Variants in LNX1 observed in about 807,000 individuals in gnomAD.
The protein encoded by LNX1 is E3 ubiquitin-protein ligase LNX.
In LNX1, 54 loss-of-function variants were observed where a neutral mutation model predicts 68.4. That is an observed-to-expected ratio of 0.79 (90% CI 0.63 to 0.99). The LOEUF (loss-of-function observed/expected upper bound fraction) is 0.99, where lower values mean the gene tolerates loss of function less well. Among genes scored for constraint, LNX1 ranks in the 50% least tolerant of loss-of-function variants. The pLI is 0.00. For missense variants in LNX1, 906 were observed against 926.4 expected, an observed-to-expected ratio of 0.98 and a Z score of 0.29; for synonymous variants, 336 against 350.0, an observed-to-expected ratio of 0.96 and a Z score of 0.45.
At chr4:53,504,239 C>G (rs928131238) in intron 4 of LNX1, among the ~76,000 whole-genome samples, 1 of 152,240 alleles carries the variant, frequency 6.6e-6, no homozygotes, top group Non-Finnish European at 1.5e-5. Flanking sequence ...TTTGCTGCTT[C>G]GTTACAATCA....
intron 2 of LNX1, among the ~76,000 whole-genome samples, chr4:53,530,103 T>C (rs1221842946): frequency 6.6e-6 from 1 of 152,214 alleles, no homozygotes; most frequent in Non-Finnish European, 1.5e-5. Flanking sequence ...CTATTACAAT[T>C]ATGTAAAAAT....
intron 4 of LNX1, among the ~76,000 whole-genome samples, chr4:53,503,315 A>G (rs989261653): frequency 6.6e-6 from 1 of 152,240 alleles, no homozygotes; most frequent in African/African-American, 2.4e-5. Flanking sequence ...CCATCAGAGG[A>G]ATCACTATGT....
intron 2 of LNX1, among the ~76,000 whole-genome samples, chr4:53,543,901 AAAC>A (rs1174698540): frequency 2.0e-5 from 3 of 147,120 alleles, no homozygotes; most frequent in African/African-American, 7.4e-5. Flanking sequence ...TAAAAAACAA[AAAC>A]AAACAAAAAA....
intron 2 of LNX1, among the ~76,000 whole-genome samples, chr4:53,526,578 C>G (rs1285762154): frequency 6.6e-6 from 1 of 151,680 alleles, no homozygotes; most frequent in African/African-American, 2.4e-5. Flanking sequence ...GACCCCTGTG[C>G]TACTCTGGAA....
At chr4:53,576,430 C>A in intron 1 of LNX1, 3 of 1,454,044 alleles carry the variant, frequency 2.1e-6, no homozygotes, top group Non-Finnish European at 2.7e-6. Flanking sequence ...CTTGGACAGG[C>A]ACCTCAGATG....
chr4:53,621,657 G>A (rs1733884645), upstream of LNX1, among the ~76,000 whole-genome samples: 1 of 152,196 alleles, frequency 6.6e-6, no homozygotes, highest in Non-Finnish European at 1.5e-5. Flanking sequence ...CAATCAGACA[G>A]AAATTTAAGG....
intron 9 of LNX1, among the ~76,000 whole-genome samples, chr4:53,465,268 A>T (rs1722589208): frequency 6.6e-6 from 1 of 152,198 alleles, no homozygotes; most frequent in Non-Finnish European, 1.5e-5. Flanking sequence ...AAGGGTTTGG[A>T]TCTATGGTTC....
chr4:53,530,465 A>G (rs1322399160), intron 2 of LNX1, among the ~76,000 whole-genome samples: 1 of 152,244 alleles, frequency 6.6e-6, no homozygotes, highest in Non-Finnish European at 1.5e-5. Context: ...TACTGAGATT[A>G]TATTTTCATG....
At chr4:53,553,767 T>G (rs1374165894) in intron 2 of LNX1, among the ~76,000 whole-genome samples, 1 of 152,198 alleles carries the variant, frequency 6.6e-6, no homozygotes, top group Non-Finnish European at 1.5e-5. Context: ...GGATTGGGAC[T>G]CCACACCAAA....
At chr4:53,528,249 C>A (rs1007537258) in intron 2 of LNX1, among the ~76,000 whole-genome samples, 2 of 152,244 alleles carry the variant, frequency 1.3e-5, no homozygotes, top group African/African-American at 2.4e-5. Context: ...CCTCCCTTAT[C>A]CATAGTTTTG....
chr4:53,601,392 A>G (rs1733008600), intron 2 of LNX1, among the ~76,000 whole-genome samples: 1 of 152,138 alleles, frequency 6.6e-6, no homozygotes, highest in Admixed American at 6.5e-5. Flanking sequence ...GGGGGTGGAC[A>G]GGAAATGCAG....
chr4:53,612,385 G>A (rs1733529250), intron 2 of LNX1, among the ~76,000 whole-genome samples: 1 of 152,144 alleles, frequency 6.6e-6, no homozygotes, highest in South Asian at 2.1e-4. Flanking sequence ...TCTAATAGAA[G>A]CAAAGCCACC....
chr4:53,466,060 A>T (rs996650176), intron 9 of LNX1, among the ~76,000 whole-genome samples: 2 of 152,084 alleles, frequency 1.3e-5, no homozygotes, highest in Non-Finnish European at 2.9e-5. Context: ...ATTAGCCAAC[A>T]CCTCTCCACA....
At chr4:53,643,501 G>T (rs1015757156) in intron 1 of LNX1, among the ~76,000 whole-genome samples, 5 of 152,026 alleles carry the variant, frequency 3.3e-5, no homozygotes, top group Non-Finnish European at 7.4e-5. Context: ...GTGGACAGAG[G>T]GTGGCTGATG....
At chr4:53,557,820 C>G (rs2109728251) in intron 2 of LNX1, 1 of 1,604,568 alleles carries the variant, frequency 6.2e-7, no homozygotes, top group Non-Finnish European at 8.5e-7. Flanking sequence ...TCGGGTCCCA[C>G]CCCCAACATA....
chr4:53,481,713 G>A lies in LNX1; in HGVS notation c.1485+7C>T. 2 of 1,612,898 alleles carry A rather than the reference G, an allele frequency of 1.2e-6. No individual in the cohort carries two copies. The highest frequency in any genetic ancestry group is 2.2e-5 in the East Asian group (1 of 44,766). ...CAGGAGCAGGCGACCTGCCCTAGAG[G>A]CCTCACCTTGGGAGTGTTGCTCCTC... On this transcript the variant is annotated splice_region_variant and intron_variant, in intron 7 of 10. Coordinates refer to ENST00000263925, the MANE Select transcript of LNX1 (RefSeq NM_001126328.3).
chr4:53,625,853 GT>G (rs1670644898), intron 1 of LNX1, among the ~76,000 whole-genome samples: 2 of 150,610 alleles, frequency 1.3e-5, no homozygotes, highest in Admixed American at 1.3e-4. Context: ...CCGTGTGTGT[GT>G]GTGTGTGTGT....
At chr4:53,557,468 G>C (rs548566897) in intron 2 of LNX1, among the ~76,000 whole-genome samples, 1 of 152,116 alleles carries the variant, frequency 6.6e-6, no homozygotes, top group Non-Finnish European at 1.5e-5. Context: ...TATAGAGACT[G>C]TCTCAATAAA....
chr4:53,631,909 A>C (rs1204749942), intron 1 of LNX1, among the ~76,000 whole-genome samples: 1 of 151,738 alleles, frequency 6.6e-6, no homozygotes, highest in Non-Finnish European at 1.5e-5. Context: ...GTAATTCTAT[A>C]GTTGTTAGAT....
Sources: gnomAD v4.1 joint callset for allele counts (sites outside exome capture counted in the v4.1 genomes callset) on GRCh38, gnomAD v4.1.1 for gene constraint, MANE v1.5 for transcripts, NCBI Gene and HGNC (gene_info 2026-07-23, HGNC 2026-07-21) for gene names.